CDK14: variants seen among roughly 807,000 people sequenced by gnomAD.
The protein encoded by CDK14 is cyclin-dependent kinase 14.
In CDK14, 34 loss-of-function variants were observed where a neutral mutation model predicts 60.7. The ratio of observed to expected loss-of-function variants is 0.56; its 90% CI spans 0.43 to 0.75. CDK14 has a LOEUF of 0.75. CDK14 is among the 30% of genes least tolerant of loss of function. The pLI is 0.00. For synonymous variants in CDK14, 197 were observed against 203.7 expected (o/e 0.97, Z 0.28); for missense variants, 482 against 564.1 (o/e 0.85, Z 1.47).
intron 2 of CDK14, among the ~76,000 whole-genome samples, chr7:90,633,554 A>G (rs1218587342): frequency 3.3e-5 from 5 of 152,204 alleles, no homozygotes; most frequent in Non-Finnish European, 5.9e-5. Flanking sequence ...AGAGATTGCT[A>G]CTGTTCCATT....
intron 6 of CDK14, among the ~76,000 whole-genome samples, chr7:90,880,671 G>A (rs761958407): frequency 6.6e-6 from 1 of 152,094 alleles, no homozygotes; most frequent in African/African-American, 2.4e-5. Flanking sequence ...ATACAGGAGT[G>A]GTCCTACTGG....
At chr7:91,085,219 A>G (rs1260945591) in intron 12 of CDK14, among the ~76,000 whole-genome samples, 1 of 152,148 alleles carries the variant, frequency 6.6e-6, no homozygotes, top group Non-Finnish European at 1.5e-5. Flanking sequence ...ATGTTGACCA[A>G]CTTGGGGTTT....
chr7:90,960,067 G>C (rs1465800046), intron 9 of CDK14, among the ~76,000 whole-genome samples: 1 of 152,110 alleles, frequency 6.6e-6, no homozygotes, highest in East Asian at 1.9e-4. Context: ...GTAGCAAGCA[G>C]CTTATCTATG....
chr7:90,866,393 G>T (rs1791189816), intron 6 of CDK14, among the ~76,000 whole-genome samples: 1 of 152,158 alleles, frequency 6.6e-6, no homozygotes, highest in Admixed American at 6.5e-5. Flanking sequence ...AAACAATGTT[G>T]ATTTTGTAGT....
chr7:91,149,309 G>A (rs1800759695), intron 14 of CDK14, among the ~76,000 whole-genome samples: 1 of 148,960 alleles, frequency 6.7e-6, no homozygotes. Context: ...ACCACTTTCA[G>A]CACGTTACAG....
chr7:90,710,262 A>G lies in CDK14; in HGVS notation c.124-16305A>G, dbSNP rs1802011957. 3.0e-6 allele frequency: 3 copies of G among 985,266 alleles called. No homozygotes were observed. The South Asian group carries it at 1.4e-4, about 46-fold the overall frequency. 61.0% of individuals were successfully genotyped at this position (985,266 alleles called of 1,614,324 possible). A position where few individuals can be genotyped will look rare whatever the true frequency, so the allele number is the denominator to read the frequency against. On this transcript the variant is annotated intron_variant, in intron 2 of 14. Transcript: ENST00000380050. The stretch of plus-strand genomic sequence containing the variant: ...AAGGTTTAACGACTGCTTCTTTGCC[A>G]TATCTGAGTCTTATTCCTTCTGAAA...
At chr7:90,648,626 C>G (rs2116464279) in intron 2 of CDK14, among the ~76,000 whole-genome samples, 1 of 152,232 alleles carries the variant, frequency 6.6e-6, no homozygotes, top group South Asian at 2.1e-4. Flanking sequence ...GCCCCCAGAC[C>G]TCATCCCAGC....
At chr7:91,060,244 A>G (rs1314601197) in intron 11 of CDK14, among the ~76,000 whole-genome samples, 7 of 127,880 alleles carry the variant, frequency 5.5e-5, no homozygotes. Context: ...TTTTTTTTCC[A>G]TTTGCTTGGT....
At chr7:90,901,571 A>G (rs1009094433) in intron 7 of CDK14, among the ~76,000 whole-genome samples, 2 of 152,050 alleles carry the variant, frequency 1.3e-5, no homozygotes, top group Non-Finnish European at 2.9e-5. Context: ...AATGTCCTGG[A>G]CAGTCTCAGT....
chr7:91,024,812 G>C (rs1584241961), intron 10 of CDK14, among the ~76,000 whole-genome samples: 1 of 152,182 alleles, frequency 6.6e-6, no homozygotes, highest in East Asian at 1.9e-4. Context: ...CCACTGAGCA[G>C]TATAGCTAAT....
At chr7:90,990,603 T>C (rs1348492937) in intron 10 of CDK14, among the ~76,000 whole-genome samples, 1 of 152,190 alleles carries the variant, frequency 6.6e-6, no homozygotes, top group Non-Finnish European at 1.5e-5. Context: ...CACTGAGATA[T>C]AACCAACATT....
At chr7:91,109,348 T>C (rs907410024) in intron 12 of CDK14, among the ~76,000 whole-genome samples, 3 of 152,164 alleles carry the variant, frequency 2.0e-5, no homozygotes, top group Non-Finnish European at 4.4e-5. Flanking sequence ...GGACAAATAA[T>C]TTGTCAGCGT....
At chr7:90,894,958 A>G (rs1792248604) in intron 6 of CDK14, among the ~76,000 whole-genome samples, 1 of 152,150 alleles carries the variant, frequency 6.6e-6, no homozygotes, top group South Asian at 2.1e-4. Context: ...TTTAGAATAT[A>G]TACATCTGTG....
intron 5 of CDK14, among the ~76,000 whole-genome samples, chr7:90,832,882 G>A (rs1789958589): frequency 6.6e-6 from 1 of 152,176 alleles, no homozygotes; most frequent in Non-Finnish European, 1.5e-5. Flanking sequence ...TAGGTCAGAG[G>A]CGATGAGAAA....
At chr7:91,017,818 C>A (rs939102182) in intron 10 of CDK14, among the ~76,000 whole-genome samples, 2 of 152,096 alleles carry the variant, frequency 1.3e-5, no homozygotes, top group Non-Finnish European at 2.9e-5. Context: ...GATAACAAGC[C>A]CTTTTGAATT....
intron 8 of CDK14, among the ~76,000 whole-genome samples, chr7:90,923,584 G>A (rs1166251378): frequency 1.3e-5 from 2 of 152,202 alleles, no homozygotes; most frequent in African/African-American, 4.8e-5. Context: ...AAGAATGGCA[G>A]CTTCAAACTC....
intron 6 of CDK14, among the ~76,000 whole-genome samples, chr7:90,887,859 C>A (rs1372483513): frequency 1.3e-5 from 2 of 152,062 alleles, no homozygotes; most frequent in Non-Finnish European, 2.9e-5. Context: ...TGCCATTATT[C>A]TTTTCCTTAT....
intron 4 of CDK14, among the ~76,000 whole-genome samples, chr7:90,780,706 T>A (rs992066202): frequency 2.6e-5 from 4 of 152,012 alleles, no homozygotes; most frequent in African/African-American, 9.6e-5. Context: ...TCCAATTTCA[T>A]CCATGTCCCT....
At chr7:90,791,107 A>T (rs1183951297) in intron 5 of CDK14, among the ~76,000 whole-genome samples, 1 of 152,158 alleles carries the variant, frequency 6.6e-6, no homozygotes, top group Non-Finnish European at 1.5e-5. Context: ...TGATTGGAAG[A>T]AGATAACATA....
Sources: allele counts gnomAD v4.1 joint callset (sites outside exome capture counted in the v4.1 genomes callset), GRCh38; gene constraint gnomAD v4.1.1; transcripts MANE v1.5; gene names NCBI Gene and HGNC (gene_info 2026-07-23, HGNC 2026-07-21).